The following SIPA1L3 variants were observed in gnomAD, a reference collection of about 807,000 sequenced individuals.
The protein encoded by SIPA1L3 is signal-induced proliferation-associated 1-like protein 3.
A neutral mutation model predicts 150.1 loss-of-function variants in SIPA1L3; 59 were observed. That is an observed-to-expected ratio of 0.39 (90% CI 0.32 to 0.49). SIPA1L3 has a LOEUF of 0.49. SIPA1L3 is among the 20% of genes least tolerant of loss of function. SIPA1L3 has a pLI of 0.86. For missense variants in SIPA1L3, 2,211 were observed against 2,489.5 expected, an observed-to-expected ratio of 0.89 and a Z score of 2.38; for synonymous variants, 1,070 against 1,077.6, an observed-to-expected ratio of 0.99 and a Z score of 0.14.
At chr19:38,173,422 C>T (rs1014770665) in intron 15 of SIPA1L3, among the ~76,000 whole-genome samples, 2 of 152,276 alleles carry the variant, frequency 1.3e-5, no homozygotes, top group Admixed American at 6.5e-5. Flanking sequence ...CCATGGGCAC[C>T]GCAGTGGGCT....
At chr19:38,170,491 C>A (rs962116444) in intron 15 of SIPA1L3, among the ~76,000 whole-genome samples, 11 of 152,306 alleles carry the variant, frequency 7.2e-5, no homozygotes, top group African/African-American at 2.6e-4. Flanking sequence ...CACCTTTGAA[C>A]AGGCCCAGCA....
At chr19:37,927,846 T>C (rs1223032173) in intron 1 of SIPA1L3, among the ~76,000 whole-genome samples, 1 of 152,140 alleles carries the variant, frequency 6.6e-6, no homozygotes. Context: ...GGCCTCCAGC[T>C]ACATCCATGT....
chr19:38,203,920 C>T (rs1192217513), intron 20 of SIPA1L3: 4 of 570,364 alleles, frequency 7.0e-6, no homozygotes, highest in Non-Finnish European at 1.3e-5. Context: ...CTCCTAACAC[C>T]CCGTCCACAT....
intron 12 of SIPA1L3, among the ~76,000 whole-genome samples, chr19:38,148,573 C>T (rs1166918158): frequency 6.6e-6 from 1 of 152,140 alleles, no homozygotes; most frequent in Admixed American, 6.5e-5. Flanking sequence ...GTCATTTTGC[C>T]CAGGCATCCT....
At chr19:38,143,746 C>T (rs1165614998) in intron 12 of SIPA1L3, among the ~76,000 whole-genome samples, 2 of 151,958 alleles carry the variant, frequency 1.3e-5, no homozygotes, top group African/African-American at 2.4e-5. Context: ...ACCATGCTGG[C>T]CAGACTGGTC....
At chr19:37,958,936 A>G (rs993604204) in intron 1 of SIPA1L3, among the ~76,000 whole-genome samples, 1 of 152,250 alleles carries the variant, frequency 6.6e-6, no homozygotes, top group Non-Finnish European at 1.5e-5. Context: ...AAATGGCTCA[A>G]TATAATTATC....
At position 37,938,312 on chromosome 19, in the gene SIPA1L3, C is replaced by T. The variant is rs146109050; in HGVS notation, c.-379+30954C>T. On this transcript the variant is annotated intron_variant, in intron 1 of 21. Coordinates refer to ENST00000222345, the MANE Select transcript of SIPA1L3 (RefSeq NM_015073.3). ...ACACTTCCTGGTGCACATGGACAAG[C>T]ATTTCTTTCAGGTATGTACTGGACA... Among the ~76,000 whole-genome samples the T allele has an allele frequency of 5.9e-3, 899 of 152,290 alleles. 5 individuals are homozygous for T. The highest frequency in any genetic ancestry group is 8.3e-3 in the Non-Finnish European group (562 of 68,016).
chr19:38,171,547 C>T (rs1028555709), intron 15 of SIPA1L3, among the ~76,000 whole-genome samples: 1 of 151,864 alleles, frequency 6.6e-6, no homozygotes, highest in African/African-American at 2.4e-5. Context: ...CACCTGCCAC[C>T]ACGCCCGGCT....
intron 2 of SIPA1L3, among the ~76,000 whole-genome samples, chr19:38,044,041 A>G (rs1158545246): frequency 5.3e-5 from 8 of 152,086 alleles, no homozygotes; most frequent in Admixed American, 5.2e-4. Context: ...TTATATCTTG[A>G]AGGTGGAGCT....
At chr19:38,111,354 T>C (rs1970736794) in intron 8 of SIPA1L3, among the ~76,000 whole-genome samples, 1 of 152,156 alleles carries the variant, frequency 6.6e-6, no homozygotes, top group Non-Finnish European at 1.5e-5. Context: ...TACCTGTACA[T>C]GAAGTGCTTT....
At chr19:38,106,145 C>T (rs1332630554) in intron 6 of SIPA1L3, 3 of 202,500 alleles carry the variant, frequency 1.5e-5, no homozygotes, top group Non-Finnish European at 9.7e-6. Flanking sequence ...CTAACCCTGT[C>T]TCCCAGGCTG....
intron 2 of SIPA1L3, among the ~76,000 whole-genome samples, chr19:38,066,735 G>A (rs1969601324): frequency 6.6e-6 from 1 of 152,106 alleles, no homozygotes; most frequent in Non-Finnish European, 1.5e-5. Flanking sequence ...GCTGAGGTAG[G>A]AGAATTGCTT....
chr19:37,946,475 A>G (rs1338016051), intron 1 of SIPA1L3, among the ~76,000 whole-genome samples: 4 of 152,244 alleles, frequency 2.6e-5, no homozygotes, highest in African/African-American at 9.6e-5. Flanking sequence ...ACCAAAAGTT[A>G]CCAAAGTAAC....
chr19:37,973,073 G>T (rs144209342), intron 1 of SIPA1L3, among the ~76,000 whole-genome samples: 1 of 151,868 alleles, frequency 6.6e-6, no homozygotes, highest in African/African-American at 2.4e-5. Flanking sequence ...TAAAGGAAAG[G>T]GGGGAGGATA....
In SIPA1L3 at chr19:38,070,933, A is replaced by G. The variant is rs1969700262; in HGVS notation, c.-310-10323A>G. Reference sequence around the variant, plus strand: ...TAGATCATGTTTCCCTGAAAGGGAGATGCTTGGAGCACATCAGGGCAGCCC... The same window carrying G: ...TAGATCATGTTTCCCTGAAAGGGAGGTGCTTGGAGCACATCAGGGCAGCCC... On this transcript the variant is annotated intron_variant, in intron 2 of 21. Transcript: ENST00000222345. Among the ~76,000 whole-genome samples, 5 of 152,142 alleles carry G rather than the reference A, an allele frequency of 3.3e-5. No individual in the cohort carries two copies. The South Asian group carries it at 1.0e-3, about 32-fold the overall frequency.
intron 1 of SIPA1L3, among the ~76,000 whole-genome samples, chr19:37,941,208 C>G (rs1207809159): frequency 2.6e-5 from 4 of 151,980 alleles, no homozygotes; most frequent in African/African-American, 9.7e-5. Context: ...GGGCCCCTTT[C>G]TGTATTGGTG....
intron 7 of SIPA1L3, among the ~76,000 whole-genome samples, chr19:38,106,867 G>T (rs150797901): frequency 1.3e-5 from 2 of 152,346 alleles, no homozygotes; most frequent in East Asian, 3.9e-4. Flanking sequence ...CCCAGCCCCA[G>T]CTAGCCCGAC....
In SIPA1L3 at chr19:37,939,774, T is replaced by C. The variant is rs566013867; in HGVS notation, c.-379+32416T>C. On this transcript the variant is annotated intron_variant, in intron 1 of 21. Coordinates refer to ENST00000222345, the MANE Select transcript of SIPA1L3 (RefSeq NM_015073.3). ...GTAGTTTTATTTCCCATGGCCTTAT[T>C]CTTAGCTAAAATTTAGATTTGATTG... Among the ~76,000 whole-genome samples, 10 of 152,370 alleles carry C rather than the reference T, an allele frequency of 6.6e-5. No individual in the cohort carries two copies. In the South Asian group the frequency reaches 2.1e-3, roughly 32 times the overall value.
intron 7 of SIPA1L3, chr19:38,109,704 A>G (rs1970697253): frequency 6.2e-6 from 1 of 160,586 alleles, no homozygotes. Context: ...CTGGGTACTG[A>G]GGATACAGCA....
Sources: gnomAD v4.1 joint callset for allele counts (sites outside exome capture counted in the v4.1 genomes callset) on GRCh38, gnomAD v4.1.1 for gene constraint, MANE v1.5 for transcripts, NCBI Gene and HGNC (gene_info 2026-07-23, HGNC 2026-07-21) for gene names.